RNF213: variants seen among roughly 807,000 people sequenced by gnomAD.
RNF213 encodes the protein ring finger protein 213.
A neutral mutation model predicts 514.4 loss-of-function variants in RNF213; 341 were observed. The observed-to-expected ratio is 0.66, with a 90% CI of 0.61 to 0.73. The LOEUF is 0.73. RNF213 is among the 30% of genes least tolerant of loss of function. RNF213 has a pLI of 0.00. For missense variants in RNF213, 5,767 were observed against 6,615.6 expected, an observed-to-expected ratio of 0.87 and a Z score of 4.45; for synonymous variants, 2,655 against 2,658.2, an observed-to-expected ratio of 1.00 and a Z score of 0.04.
intron 3 of RNF213, among the ~76,000 whole-genome samples, chr17:80,281,634 C>T (rs942470570): frequency 6.7e-6 from 1 of 149,424 alleles, no homozygotes; most frequent in Non-Finnish European, 1.5e-5. Context: ...ACACCCCCAA[C>T]ACACACTCCC....
chr17:80,335,771 T>C (rs2077970638), intron 22 of RNF213, among the ~76,000 whole-genome samples: 1 of 151,798 alleles, frequency 6.6e-6, no homozygotes, highest in South Asian at 2.1e-4. Context: ...AGGTCAGGAG[T>C]TGGAGACCAG....
Position 80,354,143 on chromosome 17 carries a change from T to C in RNF213, c.10703T>C (p.Leu3568Ser), listed in dbSNP as rs1279101043. 6.2e-7 allele frequency: 1 copy of C among 1,614,010 alleles called. No individual in the cohort carries two copies. The highest frequency in any genetic ancestry group is 8.5e-7 in the Non-Finnish European group (1 of 1,180,026). ...MRRVVLLLGLLNEDDACHASF... is the reference protein window; with the variant it reads ...MRRVVLLLGLSNEDDACHASF... ...AGGGTGGTGCTCCTCCTGGGCCTCT[T>C]GAATGAGGATGACGCGTGCCACGGT... is the stretch of plus-strand genomic sequence containing the variant. Residue 3568 changes from leucine to serine, a missense_variant, in exon 35 of 68, where the codon TTG becomes TCG. By Grantham distance (145) the Leu-to-Ser change is moderately radical. Coordinates refer to ENST00000582970, the MANE Select transcript of RNF213 (RefSeq NM_001256071.3).
At chr17:80,379,808 C>CTGGAG (rs2079913257) in intron 55 of RNF213, 94 bp downstream of exon 55, 2 of 993,818 alleles carry the variant, frequency 2.0e-6, no homozygotes, top group Non-Finnish European at 3.2e-6. Flanking sequence ...CAAGATAGTA[C>CTGGAG]TAATTACTCC....
chr17:80,337,451 C>G, intron 23 of RNF213, 135 bp from the exon 24 acceptor site: 1 of 1,204,946 alleles, frequency 8.3e-7, no homozygotes, highest in Non-Finnish European at 1.1e-6. Context: ...GGGTGGGCGA[C>G]TGCGTCCTGA....
In RNF213 at chr17:80,393,601, G is replaced by A. The variant is rs2080572248; in HGVS notation, c.*103G>A. ...TGGACTGGTGCCTTTGCATTCAGAAGGAGAGCTGTCAGCGTAGCACCGAAT... is the reference window on the plus strand; with the variant it reads ...TGGACTGGTGCCTTTGCATTCAGAAAGAGAGCTGTCAGCGTAGCACCGAAT... On this transcript the variant is annotated 3_prime_UTR_variant, in exon 68 of 68. Coordinates refer to ENST00000582970, the MANE Select transcript of RNF213 (RefSeq NM_001256071.3). 7.6e-7 allele frequency: 1 copy of A among 1,323,814 alleles called. No homozygotes were observed. The highest frequency in any genetic ancestry group is 2.4e-5 in the East Asian group (1 of 41,812). 82.0% of individuals were successfully genotyped at this position (1,323,814 alleles called of 1,614,324 possible). A position where few individuals can be genotyped will look rare whatever the true frequency, so the allele number is the denominator to read the frequency against.
Position 80,353,591 on chromosome 17 carries a change from G to A in RNF213, c.10503G>A (p.Glu3501=). The A allele has an allele frequency of 1.2e-6, 2 of 1,614,068 alleles. No homozygotes were observed. Among genetic ancestry groups the A allele is most frequent in the Non-Finnish European group, 1.7e-6 (2 of 1,179,928 alleles). ...TEASTSGEVA[E]VAEEAMETES... ...CCAGCACATCAGGGGAGGTGGCAGA[G>A]GTGGCAGAGGAGGCCATGGAAACAG... The change falls in exon 34 of 68, where the codon GAG becomes GAA. Residue 3501 remains glutamate, a synonymous_variant. Transcript: ENST00000582970. This position sits in a 1 kb window ranked among gnomAD's most constrained non-coding sequence, Gnocchi z 5.0.
Position 80,353,985 on chromosome 17 carries a change from C to CA in RNF213, c.10579-33dup. Reference sequence around the variant, plus strand: ...TGGCTTTTGCCCACTGTGTCAGTGGCAGAAACGGATGACCCAACCGTCTCC... The same window carrying CA: ...TGGCTTTTGCCCACTGTGTCAGTGGCAAGAAACGGATGACCCAACCGTCTCC... On this transcript the variant is annotated intron_variant, in intron 34 of 67. Transcript: ENST00000582970. The surrounding 1 kb of genome is among the most constrained non-coding windows in gnomAD (Gnocchi z 5.0). 1 of 1,613,232 alleles carries CA rather than the reference C, an allele frequency of 6.2e-7. No homozygotes were observed. Among genetic ancestry groups the CA allele is most frequent in the East Asian group, 2.2e-5 (1 of 44,872 alleles).
At chr17:80,305,889 G>A (rs112599480) in intron 11 of RNF213, among the ~76,000 whole-genome samples, 15,298 of 152,186 alleles carry the variant, frequency 0.1, 850 homozygotes, top group African/African-American at 0.12. Flanking sequence ...CAAAGTGCTG[G>A]GATTCAGGCG....
At chr17:80,303,382 C>A (rs2143526062) in intron 11 of RNF213, among the ~76,000 whole-genome samples, 1 of 152,144 alleles carries the variant, frequency 6.6e-6, no homozygotes, top group African/African-American at 2.4e-5. Flanking sequence ...AGAGACGCCC[C>A]CTCATAAAGC....
chr17:80,374,660 T>C, intron 50 of RNF213, 71 bp downstream of exon 50: 2 of 1,552,830 alleles, frequency 1.3e-6, no homozygotes, highest in Non-Finnish European at 1.8e-6. Context: ...CCCTGGTTTA[T>C]GTCAAATGAT....
In RNF213 at chr17:80,375,940, A is replaced by AGTT; in HGVS notation, c.13185+71_13185+73dup. The AGTT allele has an allele frequency of 7.0e-6, 8 of 1,140,378 alleles. No homozygotes were observed. In the South Asian group the frequency reaches 9.8e-5, roughly 14 times the overall value. 70.6% of individuals were successfully genotyped at this position (1,140,378 alleles called of 1,614,324 possible). On this transcript the variant is annotated intron_variant, in intron 51 of 67. Coordinates refer to ENST00000582970, the MANE Select transcript of RNF213 (RefSeq NM_001256071.3). ...GAGGGATTTTATTGAATAGAATGAA[A>AGTT]GTTATCAACACAAATCATACCATAA...
intron 16 of RNF213, among the ~76,000 whole-genome samples, chr17:80,318,634 C>T (rs866726299): frequency 4.2e-4 from 64 of 151,902 alleles, no homozygotes; most frequent in Non-Finnish European, 8.4e-4. Context: ...AGTGCAGTGG[C>T]GGGATCTCGG....
chr17:80,373,920 T>C (rs962625992), intron 49 of RNF213, among the ~76,000 whole-genome samples: 1 of 151,160 alleles, frequency 6.6e-6, no homozygotes, highest in African/African-American at 2.4e-5. Context: ...GGAGAATCAC[T>C]TGAACCCGGG....
At chr17:80,265,044 G>GTTTGTTTTT (rs1567986297) in intron 2 of RNF213, among the ~76,000 whole-genome samples, 1 of 110,892 alleles carries the variant, frequency 9.0e-6, no homozygotes, top group Non-Finnish European at 1.7e-5. Context: ...ATGTTTGTTT[G>GTTTGTTTTT]TTTTTTTTTT....
intron 42 of RNF213, among the ~76,000 whole-genome samples, chr17:80,367,488 TAGTG>T (rs1316130750): frequency 2.0e-5 from 3 of 152,200 alleles, no homozygotes; most frequent in Non-Finnish European, 4.4e-5. Context: ...TGAAATATCT[TAGTG>T]AGAGCGGAGG....
intron 49 of RNF213, 139 bp from the exon 50 acceptor site, chr17:80,374,319 C>T (rs1330687670): frequency 9.0e-7 from 1 of 1,113,838 alleles, no homozygotes; most frequent in African/African-American, 1.5e-5. Context: ...ACTGTCCTGC[C>T]TCAGGCCAGG....
chr17:80,348,813 G>A (rs1333990479), intron 29 of RNF213, among the ~76,000 whole-genome samples: 1 of 152,214 alleles, frequency 6.6e-6, no homozygotes, highest in African/African-American at 2.4e-5. Context: ...GCCGCTGACA[G>A]CTCTTAGGGT....
intron 42 of RNF213, 168 bp downstream of exon 42, chr17:80,364,721 TTTAA>T (rs1459439553): frequency 2.8e-6 from 2 of 726,074 alleles, no homozygotes; most frequent in Non-Finnish European, 4.6e-6. Context: ...ATTTTCCATG[TTTAA>T]TTGTTTAATT....
Position 80,264,200 on chromosome 17 carries a change from T to C in RNF213, c.97+422T>C, listed in dbSNP as rs368005329. Among the ~76,000 whole-genome samples, 1 of 152,170 alleles carries C rather than the reference T, an allele frequency of 6.6e-6. No homozygotes were observed. The highest frequency in any genetic ancestry group is 1.5e-5 in the Non-Finnish European group (1 of 68,032). On this transcript the variant is annotated intron_variant, in intron 2 of 67. Coordinates refer to ENST00000582970, the MANE Select transcript of RNF213 (RefSeq NM_001256071.3). This position sits in a 1 kb window ranked among gnomAD's most constrained non-coding sequence, Gnocchi z 5.0. The stretch of plus-strand genomic sequence containing the variant: ...TCACGGTTTTTCTTCCCCTTGGGAA[T>C]GAGAAGTGTCGGGCTGAGCTGAGGG...
Sources: gnomAD v4.1 joint callset for allele counts (sites outside exome capture counted in the v4.1 genomes callset) on GRCh38, gnomAD v4.1.1 for gene constraint, Gnocchi (gnomAD v3.1) non-coding constraint, MANE v1.5 for transcripts, NCBI Gene and HGNC (gene_info 2026-07-23, HGNC 2026-07-21) for gene names.